The following ZNF385D variants were observed in gnomAD, a reference collection of about 807,000 sequenced individuals.
ZNF385D encodes the protein zinc finger protein 385D, also known as zinc finger protein 659.
Under a neutral mutation model 35.8 loss-of-function variants are expected in ZNF385D, and 15 were observed. The observed-to-expected ratio is 0.42, with a 90% confidence interval of 0.28 to 0.64. The LOEUF (loss-of-function observed/expected upper bound fraction) is 0.64, where lower values mean the gene tolerates loss of function less well. ZNF385D is among the 30% of genes least tolerant of loss of function. The pLI is 0.23. For synonymous variants in ZNF385D, 212 were observed against 186.8 expected (o/e 1.13, Z -1.10); for missense variants, 474 against 494.6 (o/e 0.96, Z 0.39).
At chr3:21,969,639 C>A (rs191839945) in intron 3 of ZNF385D, among the ~76,000 whole-genome samples, 2 of 152,120 alleles carry the variant, frequency 1.3e-5, no homozygotes, top group Non-Finnish European at 2.9e-5. Context: ...ATCATCCTGA[C>A]GAGAAGGAAA....
intron 2 of ZNF385D, among the ~76,000 whole-genome samples, chr3:21,623,147 A>G (rs762927709): frequency 1.2e-4 from 18 of 152,034 alleles, no homozygotes; most frequent in African/African-American, 2.9e-4. Flanking sequence ...ATCTGTATGT[A>G]AAGAATACAA....
intron 3 of ZNF385D, among the ~76,000 whole-genome samples, chr3:21,537,740 CAA>C (rs200334021): frequency 2.9e-3 from 440 of 152,088 alleles, no homozygotes; most frequent in African/African-American, 9.6e-3. Context: ...GGATGAAGCA[CAA>C]AAGTCTCCCA....
intron 2 of ZNF385D, among the ~76,000 whole-genome samples, chr3:22,173,440 T>C (rs1253318027): frequency 6.6e-6 from 1 of 152,184 alleles, no homozygotes; most frequent in African/African-American, 2.4e-5. Context: ...TGGCAACTTT[T>C]CTGCAACTCT....
intron 3 of ZNF385D, among the ~76,000 whole-genome samples, chr3:22,065,511 T>A (rs1699896120): frequency 6.6e-6 from 1 of 151,816 alleles, no homozygotes; most frequent in African/African-American, 2.4e-5. Context: ...TGGGGCAGAG[T>A]TGCCAGGTGA....
chr3:22,089,958 C>A (rs926311530), intron 3 of ZNF385D, among the ~76,000 whole-genome samples: 1 of 152,118 alleles, frequency 6.6e-6, no homozygotes, highest in Admixed American at 6.6e-5. Context: ...CCTGCCTCAG[C>A]CTCTCGAGTA....
intron 2 of ZNF385D, among the ~76,000 whole-genome samples, chr3:21,576,421 C>T (rs1475042043): frequency 6.6e-6 from 1 of 152,178 alleles, no homozygotes; most frequent in African/African-American, 2.4e-5. Flanking sequence ...GATGGATGAG[C>T]TTAAGGGCAT....
intron 3 of ZNF385D, among the ~76,000 whole-genome samples, chr3:21,839,321 A>T (rs1575753185): frequency 6.6e-6 from 1 of 152,098 alleles, no homozygotes; most frequent in Non-Finnish European, 1.5e-5. Context: ...GCTAAGTGAA[A>T]CACCAGCCAC....
At chr3:21,815,771 T>G (rs945682134) in intron 3 of ZNF385D, among the ~76,000 whole-genome samples, 9 of 152,208 alleles carry the variant, frequency 5.9e-5, no homozygotes, top group Admixed American at 3.3e-4. Flanking sequence ...GCTGGTACCA[T>G]TCCTTCTGAA....
chr3:21,775,768 A>G (rs2125623776), intron 3 of ZNF385D, among the ~76,000 whole-genome samples: 1 of 151,934 alleles, frequency 6.6e-6, no homozygotes. Context: ...ATATCCTTCT[A>G]GAGTAAATTT....
At chr3:22,074,602 A>G (rs1700377504) in intron 3 of ZNF385D, among the ~76,000 whole-genome samples, 1 of 151,926 alleles carries the variant, frequency 6.6e-6, no homozygotes, top group African/African-American at 2.4e-5. Context: ...TATTTCTATG[A>G]TATTTCCATA....
chr3:22,274,548 G>C (rs1701330945), intron 2 of ZNF385D, among the ~76,000 whole-genome samples: 2 of 151,916 alleles, frequency 1.3e-5, no homozygotes. Context: ...TGTGTGAACA[G>C]TTTCACCAAG....
At chr3:21,566,614 C>G (rs890703531) in intron 2 of ZNF385D, among the ~76,000 whole-genome samples, 5 of 152,074 alleles carry the variant, frequency 3.3e-5, no homozygotes, top group African/African-American at 9.7e-5. Flanking sequence ...GAGTGAGACT[C>G]TGTCTCAAAA....
Position 22,148,187 on chromosome 3 carries a change from A to G in ZNF385D, c.325+20630T>C, listed in dbSNP as rs532600699. On this transcript the variant is annotated intron_variant, in intron 3 of 5. Transcript: ENST00000494108. ...ACCAGAATTAGAATTTGTGCTTTGT[A>G]AATTTGTCTTTAGCCATGCATGATG... is the stretch of plus-strand genomic sequence containing the variant. Among the ~76,000 whole-genome samples the G allele has an allele frequency of 2.0e-5, 3 of 152,304 alleles. No individual in the cohort carries two copies. The South Asian group carries it at 6.2e-4, about 32-fold the overall frequency.
chr3:22,053,023 C>T (rs1699350797), intron 3 of ZNF385D, among the ~76,000 whole-genome samples: 1 of 77,824 alleles, frequency 1.3e-5, no homozygotes, highest in African/African-American at 4.9e-5. Context: ...GTGGTGGGCT[C>T]CACCCAGTTC....
chr3:22,079,042 G>T (rs1700609099), intron 3 of ZNF385D, among the ~76,000 whole-genome samples: 1 of 152,016 alleles, frequency 6.6e-6, no homozygotes, highest in Non-Finnish European at 1.5e-5. Flanking sequence ...TTACATGAAA[G>T]ATGTAGAAGA....
chr3:21,951,282 C>G (rs897557481), intron 3 of ZNF385D, among the ~76,000 whole-genome samples: 5 of 151,398 alleles, frequency 3.3e-5, no homozygotes, highest in Non-Finnish European at 7.4e-5. Context: ...AGTTGTATAC[C>G]TAGGTGTTTT....
In ZNF385D at chr3:21,515,631, C is replaced by G. The variant is rs553977623; in HGVS notation, c.277-4608G>C. 2.8e-4 allele frequency among the ~76,000 whole-genome samples: 43 copies of G among 152,314 alleles called. 1 individual carries two copies. The South Asian group carries it at 5.0e-3, about 18-fold the overall frequency. On this transcript the variant is annotated intron_variant, in intron 3 of 7. Transcript: ENST00000281523. ...ACAACTGACTCCATCTTGCTTATAACCTCATAGGTGGCCCATCTTAGCTCA... is the reference window on the plus strand; with the variant it reads ...ACAACTGACTCCATCTTGCTTATAAGCTCATAGGTGGCCCATCTTAGCTCA...
In ZNF385D at chr3:22,078,778, A is replaced by AT. The variant is rs1700595176; in HGVS notation, c.325+90038dup. 1.3e-5 allele frequency among the ~76,000 whole-genome samples: 2 copies of AT among 152,094 alleles called. 1 individual carries two copies. The highest frequency in any genetic ancestry group is 2.9e-5 in the Non-Finnish European group (2 of 67,980). The stretch of plus-strand genomic sequence containing the variant: ...ATAAATTTGAAAAAGGACTTTGAAA[A>AT]TAACTTTTTTTAATATAGGATATGG... On this transcript the variant is annotated intron_variant, in intron 3 of 5. Coordinates refer to the ZNF385D transcript ENST00000494108.
At chr3:22,063,143 C>T (rs939242627) in intron 3 of ZNF385D, among the ~76,000 whole-genome samples, 23 of 152,086 alleles carry the variant, frequency 1.5e-4, no homozygotes, top group African/African-American at 5.1e-4. Context: ...CCTGAATCAG[C>T]CAATATGCCA....
Sources: allele counts gnomAD v4.1 joint callset (sites outside exome capture counted in the v4.1 genomes callset), GRCh38; gene constraint gnomAD v4.1.1; transcripts MANE v1.5; gene names NCBI Gene and HGNC (gene_info 2026-07-23, HGNC 2026-07-21).